ZCCHC8: variants seen among roughly 807,000 people sequenced by gnomAD.
ZCCHC8 encodes zinc finger CCHC domain-containing protein 8.
A neutral mutation model predicts 70.6 loss-of-function variants in ZCCHC8; 27 were observed. The ratio of observed to expected loss-of-function variants is 0.38; its 90% confidence interval spans 0.28 to 0.53. The LOEUF is 0.53. ZCCHC8 is among the 20% of genes least tolerant of loss of function. The probability of loss-of-function intolerance (pLI) is 0.81; values close to 1 mark genes in which losing one functional copy is unlikely to be tolerated. For synonymous variants in ZCCHC8, 293 were observed against 317.4 expected (o/e 0.92, Z 0.82); for missense variants, 737 against 876.9 (o/e 0.84, Z 2.01).
rs1252375064 is a variant in ZCCHC8, at chr12:122,492,706, A to T, written c.317+9T>A. 1 of 1,506,362 alleles carries T rather than the reference A, an allele frequency of 6.6e-7. No individual in the cohort carries two copies. Among genetic ancestry groups the T allele is most frequent in the Non-Finnish European group, 9.0e-7 (1 of 1,109,876 alleles). 93.3% of individuals were successfully genotyped at this position (1,506,362 alleles called of 1,614,324 possible). A position where few individuals can be genotyped will look rare whatever the true frequency, so the allele number is the denominator to read the frequency against. On this transcript the variant is annotated intron_variant, in intron 3 of 13. Transcript: ENST00000633063. ...TTATTATATTTAGGAAAGGGAAAAAATTACTTACTTTGAAATAGCATTGTT... is the reference window on the plus strand; with the variant it reads ...TTATTATATTTAGGAAAGGGAAAAATTTACTTACTTTGAAATAGCATTGTT...
chr12:122,483,306 C>T lies in ZCCHC8; in HGVS notation c.644G>A (p.Gly215Glu). ...TTTTGCCTTTACTTGTATTTCTTGC[C>T]CTTCTAGAGAAACAATGTGGCTGAA... Reference protein sequence around the residue: ...QVFSHIVSLEGQEIQVKAKRP... With the variant: ...QVFSHIVSLEEQEIQVKAKRP... Residue 215 changes from glycine to glutamate, a missense_variant, in exon 7 of 14, where the codon GGG becomes GAG. Gly to Glu is a moderately conservative substitution (Grantham distance 98). Transcript: ENST00000633063. The surrounding 1 kb of genome is among the most constrained non-coding windows in gnomAD (Gnocchi z 4.4). The T allele has an allele frequency of 6.2e-7, 1 of 1,600,162 alleles. No individual in the cohort carries two copies. The highest frequency in any genetic ancestry group is 8.5e-7 in the Non-Finnish European group (1 of 1,172,482).
rs1210960527 is a variant in ZCCHC8, at chr12:122,483,891, AC to A, written c.502-329del. 2 of 222,262 alleles carry A rather than the reference AC, an allele frequency of 9.0e-6. No individual in the cohort carries two copies. Among genetic ancestry groups the A allele is most frequent in the Non-Finnish European group, 1.8e-5 (2 of 113,528 alleles). 13.8% of individuals were successfully genotyped at this position (222,262 alleles called of 1,614,324 possible). The stretch of plus-strand genomic sequence containing the variant: ...TTGCTTCTCTTTGCAAGACATGCAG[AC>A]CCTTTAGTTATTGTTTCCATTTCCT... On this transcript the variant is annotated intron_variant, in intron 5 of 13. Transcript: ENST00000633063. This position sits in a 1 kb window ranked among gnomAD's most constrained non-coding sequence, Gnocchi z 4.4.
rs371895382 is a variant in ZCCHC8, at chr12:122,483,344, C to G, written c.606G>C (p.Lys202Asn). 1.9e-6 allele frequency: 3 copies of G among 1,593,766 alleles called. No homozygotes were observed. The highest frequency in any genetic ancestry group is 1.7e-4 in the Middle Eastern group (1 of 6,042). The change falls in exon 7 of 14, where the codon AAG becomes AAC. Residue 202 changes from lysine (K) to asparagine (N), a missense_variant and splice_region_variant. Lys to Asn is a moderately conservative substitution (Grantham distance 94, BLOSUM62 0). Coordinates refer to ENST00000633063, the MANE Select transcript of ZCCHC8 (RefSeq NM_017612.5). This position sits in a 1 kb window ranked among gnomAD's most constrained non-coding sequence, Gnocchi z 4.4. The stretch of plus-strand genomic sequence containing the variant: ...CAATGTGGCTGAAGACTTGATGGTA[C>G]CTTTAGTGAATTTTATTAAGGAATA... Reference protein sequence around the residue: ...PQLSEGWEIPKYHQVFSHIVS... With the variant: ...PQLSEGWEIPNYHQVFSHIVS...
rs556414889 is a variant in ZCCHC8 at position 122,491,349 on chromosome 12, C to T, written c.318-782G>A. Among the ~76,000 whole-genome samples the T allele has an allele frequency of 1.5e-4, 23 of 150,220 alleles. No homozygotes were observed. The East Asian group carries it at 4.3e-3, about 28-fold the overall frequency. On this transcript the variant is annotated intron_variant, in intron 3 of 13. Transcript: ENST00000633063. ...TTCGAGACCAGCCTGGCCAACATGG[C>T]GAAACCCTGTCTCTACTAAAAATAC...
At position 122,489,470 on chromosome 12, in the gene ZCCHC8, C is replaced by T; in HGVS notation, c.424-7G>A. ...CTAGCACAATACTGGATGGCTAATA[C>T]AAAGAAAAACACATATTACAACCGG... On this transcript the variant is annotated splice_polypyrimidine_tract_variant and splice_region_variant and intron_variant, in intron 4 of 13. Coordinates refer to ENST00000633063, the MANE Select transcript of ZCCHC8 (RefSeq NM_017612.5). 1.9e-6 allele frequency: 3 copies of T among 1,612,432 alleles called. No homozygotes were observed. The highest frequency in any genetic ancestry group is 3.3e-5 in the Admixed American group (2 of 59,838).
chr12:122,490,371 T>G, intron 4 of ZCCHC8, 91 bp downstream of exon 4: 2 of 1,000,822 alleles, frequency 2.0e-6, no homozygotes, highest in Non-Finnish European at 3.1e-6. Context: ...GTTAATCATT[T>G]TGGTTTTGAT....
intron 2 of ZCCHC8, among the ~76,000 whole-genome samples, chr12:122,495,038 GTC>G (rs1353005775): frequency 1.3e-5 from 2 of 152,138 alleles, no homozygotes; most frequent in Non-Finnish European, 1.5e-5. Flanking sequence ...GCATGAAAAA[GTC>G]TCTATTTTTA....
intron 2 of ZCCHC8, among the ~76,000 whole-genome samples, chr12:122,493,876 G>C (rs1957785704): frequency 6.6e-6 from 1 of 151,912 alleles, no homozygotes; most frequent in Non-Finnish European, 1.5e-5. Flanking sequence ...GCCTCCCAAA[G>C]TGCTGGGATT....
Position 122,478,268 on chromosome 12 carries a change from G to C in ZCCHC8, c.1165C>G (p.Pro389Ala). ...PDEWRIFGSIPMQACQQKDVF... is the reference protein window; with the variant it reads ...PDEWRIFGSIAMQACQQKDVF... Reference sequence around the variant, plus strand: ...TCCTTCTGCTGACATGCCTGCATTGGTATGGAACCAAAGATCCTCCATTCC... The same window carrying C: ...TCCTTCTGCTGACATGCCTGCATTGCTATGGAACCAAAGATCCTCCATTCC... Residue 389 changes from proline to alanine, a missense_variant, in exon 12 of 14, where the codon CCA becomes GCA. Physicochemically the swap from Pro to Ala is conservative, Grantham distance 27. Coordinates refer to ENST00000633063, the MANE Select transcript of ZCCHC8 (RefSeq NM_017612.5). The C allele has an allele frequency of 6.3e-7, 1 of 1,599,858 alleles. No homozygotes were observed. The highest frequency in any genetic ancestry group is 8.5e-7 in the Non-Finnish European group (1 of 1,173,210).
chr12:122,498,139 G>C (rs1464320779), intron 2 of ZCCHC8, among the ~76,000 whole-genome samples: 1 of 149,072 alleles, frequency 6.7e-6, no homozygotes, highest in Non-Finnish European at 1.5e-5. Context: ...TAAATCTTCA[G>C]CTAGAGTAAT....
chr12:122,477,396 C>T (rs949210928), intron 13 of ZCCHC8, among the ~76,000 whole-genome samples: 52 of 151,046 alleles, frequency 3.4e-4, no homozygotes, highest in African/African-American at 1.2e-3. Flanking sequence ...CCTTGTGACC[C>T]GCCTGCCTCA....
At chr12:122,482,785 G>A (rs779015172) in intron 7 of ZCCHC8, 90 bp from the exon 8 acceptor site, 27 of 1,110,622 alleles carry the variant, frequency 2.4e-5, no homozygotes, top group Non-Finnish European at 3.0e-5. Context: ...AAGTGTATCA[G>A]AGAGACAAGA....
At chr12:122,479,497 C>CT (rs1179291239) in intron 11 of ZCCHC8, among the ~76,000 whole-genome samples, 1 of 151,974 alleles carries the variant, frequency 6.6e-6, no homozygotes, top group Non-Finnish European at 1.5e-5. Flanking sequence ...AGAAATTTTA[C>CT]TTTGAGGGGA....
intron 5 of ZCCHC8, among the ~76,000 whole-genome samples, chr12:122,486,453 T>C (rs1593323660): frequency 6.7e-6 from 1 of 148,586 alleles, no homozygotes; most frequent in Non-Finnish European, 1.5e-5. Context: ...ATTCATATCA[T>C]GTTACATTTC....
chr12:122,482,498 G>C, intron 8 of ZCCHC8, 137 bp downstream of exon 8: 1 of 523,012 alleles, frequency 1.9e-6, no homozygotes, highest in East Asian at 3.2e-5. Context: ...AATTTGAAAA[G>C]ATTTCAAATT....
chr12:122,494,439 T>C (rs1321087856), intron 2 of ZCCHC8, among the ~76,000 whole-genome samples: 1 of 150,778 alleles, frequency 6.6e-6, no homozygotes, highest in East Asian at 2.0e-4. Flanking sequence ...CACATGCCTG[T>C]AAACTCAGCT....
rs764571945 is a variant in ZCCHC8, at chr12:122,481,583, T to G, written c.957A>C (p.Pro319=). 1 of 1,613,950 alleles carries G rather than the reference T, an allele frequency of 6.2e-7. No homozygotes were observed. Among genetic ancestry groups the G allele is most frequent in the African/African-American group, 1.3e-5 (1 of 75,038 alleles). ...FIYRMRQLGY[P]PGWLKEAELE... ...ATTCAGCCTCTTTGAGCCACCCTGG[T>G]GGGTACCCTAGCTGGCGCATCCGAT... Residue 319 remains proline, a synonymous_variant, in exon 10 of 14, where the codon CCA becomes CCC. Coordinates refer to ENST00000633063, the MANE Select transcript of ZCCHC8 (RefSeq NM_017612.5).
intron 2 of ZCCHC8, 55 bp from the exon 3 acceptor site, chr12:122,492,844 C>CT (rs1957771335): frequency 8.5e-7 from 1 of 1,173,096 alleles, no homozygotes; most frequent in Non-Finnish European, 1.2e-6. Flanking sequence ...AACTTGCATA[C>CT]GTATATATAA....
rs770142506 is a variant in ZCCHC8, at chr12:122,481,652, T to C, written c.888A>G (p.Gln296=). 1.1e-5 allele frequency: 18 copies of C among 1,611,174 alleles called. No homozygotes were observed. Among genetic ancestry groups the C allele is most frequent in the Non-Finnish European group, 1.5e-5 (18 of 1,179,200 alleles). Residue 296 remains glutamine, a synonymous_variant, in exon 10 of 14, where the codon CAA becomes CAG. Transcript: ENST00000633063. ...TCTTGTCTGTCACACCTAGTGCATC[T>C]TGAAGTTCCTCACTAAGTAAAAATA... ...FKPGVISEEL[Q]DALGVTDKSL...
Sources: gnomAD v4.1 joint callset for allele counts (sites outside exome capture counted in the v4.1 genomes callset) on GRCh38, gnomAD v4.1.1 for gene constraint, Gnocchi (gnomAD v3.1) non-coding constraint, MANE v1.5 for transcripts, NCBI Gene and HGNC (gene_info 2026-07-23, HGNC 2026-07-21) for gene names.